SYTL1: variants seen among roughly 807,000 people sequenced by gnomAD.
SYTL1 encodes the protein synaptotagmin like 1.
SYTL1 carries 53 observed loss-of-function variants against 74.6 expected under a neutral mutation model. The ratio of observed to expected loss-of-function variants is 0.71; its 90% CI spans 0.57 to 0.89. SYTL1 has a LOEUF of 0.89. Among genes scored for constraint, SYTL1 ranks in the 40% least tolerant of loss-of-function variants. The probability of loss-of-function intolerance (pLI) is 0.00; values close to 1 mark genes in which losing one functional copy is unlikely to be tolerated. For synonymous variants in SYTL1, 329 were observed against 324.9 expected (o/e 1.01, Z -0.14); for missense variants, 728 against 768.7 (o/e 0.95, Z 0.63).
At position 27,348,156 on chromosome 1, in the gene SYTL1, G is replaced by A. The variant is rs996686594; in HGVS notation, c.459+144G>A. 8 of 793,336 alleles carry A rather than the reference G, an allele frequency of 1.0e-5. No individual in the cohort carries two copies. Among genetic ancestry groups the A allele is most frequent in the Admixed American group, 6.1e-5 (3 of 48,852 alleles). The allele number at this position is 793,336 out of a possible 1,614,324, so 49.1% of individuals were successfully genotyped here. On this transcript the variant is annotated intron_variant, in intron 5 of 14. Transcript: ENST00000616558. The surrounding 1 kb of genome is among the most constrained non-coding windows in gnomAD (Gnocchi z 4.1). ...TGTGTCTGCACCTCATCACCTCCTG[G>A]GTGGAACAGTGGTGAACGGTGGGGA...
At position 27,348,180 on chromosome 1, in the gene SYTL1, G is replaced by C. The variant is rs1181003594; in HGVS notation, c.459+168G>C. ...GGGTGGAACAGTGGTGAACGGTGGG[G>C]AACGGTGGTGAATGGTGGTAAACAG... On this transcript the variant is annotated intron_variant, in intron 5 of 14. Transcript: ENST00000616558. This position sits in a 1 kb window ranked among gnomAD's most constrained non-coding sequence, Gnocchi z 4.1. Among the ~76,000 whole-genome samples the C allele has an allele frequency of 6.6e-6, 1 of 152,168 alleles. No individual in the cohort carries two copies. The highest frequency in any genetic ancestry group is 1.9e-4 in the East Asian group (1 of 5,188).
At position 27,351,195 on chromosome 1, in the gene SYTL1, A is replaced by AC. The variant is rs1480892873; in HGVS notation, c.1165-59dup. On this transcript the variant is annotated intron_variant, in intron 11 of 14. Coordinates refer to ENST00000616558, the MANE Select transcript of SYTL1 (RefSeq NM_001193308.2). This position sits in a 1 kb window ranked among gnomAD's most constrained non-coding sequence, Gnocchi z 5.0. The stretch of plus-strand genomic sequence containing the variant: ...AGCCGCACCCCATCCGGGTCTGCAG[A>AC]CCCCACCCTCCTGAGGCCCCTTTCC... The AC allele has an allele frequency of 3.9e-6, 6 of 1,529,144 alleles. No individual in the cohort carries two copies. The highest frequency in any genetic ancestry group is 5.3e-6 in the Non-Finnish European group (6 of 1,132,474). The allele number at this position is 1,529,144 out of a possible 1,614,324, so 94.7% of individuals were successfully genotyped here.
In SYTL1 at chr1:27,350,363, C is replaced by T. The variant is rs376901899; in HGVS notation, c.909-26C>T. On this transcript the variant is annotated intron_variant, in intron 9 of 14. Transcript: ENST00000616558. This position sits in a 1 kb window ranked among gnomAD's most constrained non-coding sequence, Gnocchi z 6.3. Reference sequence around the variant, plus strand: ...GGAGAAGGCTCTGGGAGGGCCCCTCCTCACCTCGGGTTCTCACCTCCCCAG... The same window carrying T: ...GGAGAAGGCTCTGGGAGGGCCCCTCTTCACCTCGGGTTCTCACCTCCCCAG... The T allele has an allele frequency of 6.2e-7, 1 of 1,606,660 alleles. No individual in the cohort carries two copies. Among genetic ancestry groups the T allele is most frequent in the Admixed American group, 1.7e-5 (1 of 60,030 alleles).
Position 27,350,951 on chromosome 1 carries a change from G to A in SYTL1, c.1163G>A (p.Arg388Gln). 2.5e-6 allele frequency: 4 copies of A among 1,612,636 alleles called. No homozygotes were observed. Among genetic ancestry groups the A allele is most frequent in the Non-Finnish European group, 3.4e-6 (4 of 1,179,704 alleles). The change falls in exon 11 of 15, where the codon CGG becomes CAG. Residue 388 changes from arginine to glutamine, a missense_variant and splice_region_variant. Coordinates refer to ENST00000616558, the MANE Select transcript of SYTL1 (RefSeq NM_001193308.2). This position sits in a 1 kb window ranked among gnomAD's most constrained non-coding sequence, Gnocchi z 6.3. ...SEPTWLPLQP[R>Q]VPPSPDDLPS... is the part of the protein sequence containing the mutation. ...CCCACCTGGCTCCCCCTGCAGCCCC[G>A]GGTGAGGCAGCCAGGCCGCGTGGGG...
rs752443439 is a variant in SYTL1 at position 27,350,522 on chromosome 1, A to T, written c.1005+37A>T. 1 of 1,546,378 alleles carries T rather than the reference A, an allele frequency of 6.5e-7. No homozygotes were observed. The highest frequency in any genetic ancestry group is 1.1e-5 in the South Asian group (1 of 89,142). On this transcript the variant is annotated intron_variant, in intron 10 of 14. Coordinates refer to ENST00000616558, the MANE Select transcript of SYTL1 (RefSeq NM_001193308.2). This position sits in a 1 kb window ranked among gnomAD's most constrained non-coding sequence, Gnocchi z 6.3. ...ACCACGATGCGGTTCCCCGTTAATG[A>T]ACTGGACGCCCCCTTCCTGCGGGGC...
At position 27,349,678 on chromosome 1, in the gene SYTL1, G is replaced by C. The variant is rs1416518189; in HGVS notation, c.660G>C (p.Glu220Asp). 5 of 1,611,042 alleles carry C rather than the reference G, an allele frequency of 3.1e-6. No individual in the cohort carries two copies. The South Asian group carries it at 5.5e-5, about 18-fold the overall frequency. The part of the protein sequence containing the change: ...AQTKAASQIL[E>D]NGEEAPGPDP... The stretch of plus-strand genomic sequence containing the variant: ...CCAAGGCCGCGTCCCAGATCCTGGA[G>C]AATGGGGAGGAGGCCCCGGGGCCCG... The change falls in exon 8 of 15, where the codon GAG (glutamate) becomes GAC (aspartate). Residue 220 changes from glutamate to aspartate, a missense_variant. By Grantham distance (45) the Glu-to-Asp change is conservative. Transcript: ENST00000616558.
chr1:27,349,968 G>A lies in SYTL1; in HGVS notation c.748-4G>A. 1.3e-6 allele frequency: 2 copies of A among 1,572,238 alleles called. No homozygotes were observed. The highest frequency in any genetic ancestry group is 1.7e-6 in the Non-Finnish European group (2 of 1,168,108). Reference sequence around the variant, plus strand: ...CCCTGACTCCCACCCACTCCCGTCCGCAGCTGAGCGGCAGCCAGATGAGCC... The same window carrying A: ...CCCTGACTCCCACCCACTCCCGTCCACAGCTGAGCGGCAGCCAGATGAGCC... On this transcript the variant is annotated splice_region_variant and splice_polypyrimidine_tract_variant and intron_variant, in intron 8 of 14. Transcript: ENST00000616558.
In SYTL1 at chr1:27,349,991, G is replaced by A; in HGVS notation, c.767G>A (p.Ser256Asn). The A allele has an allele frequency of 6.4e-7, 1 of 1,570,794 alleles. No homozygotes were observed. Among genetic ancestry groups the A allele is most frequent in the South Asian group, 1.1e-5 (1 of 87,068 alleles). Residue 256 changes from serine (S) to asparagine (N), a missense_variant, in exon 9 of 15, where the codon AGC becomes AAC. Ser to Asn is a conservative substitution (Grantham distance 46). Coordinates refer to ENST00000616558, the MANE Select transcript of SYTL1 (RefSeq NM_001193308.2). ...NSSTLSGSQM[S>N]LSGDAEAVQV... ...CCGCAGCTGAGCGGCAGCCAGATGAGCCTGTCAGGCGACGCGGAGGCGGTG... is the reference window on the plus strand; with the variant it reads ...CCGCAGCTGAGCGGCAGCCAGATGAACCTGTCAGGCGACGCGGAGGCGGTG...
chr1:27,342,369 T>C lies in SYTL1; in HGVS notation c.-39+219T>C. 1.0e-6 allele frequency: 1 copy of C among 983,732 alleles called. No homozygotes were observed. The highest frequency in any genetic ancestry group is 1.2e-6 in the Non-Finnish European group (1 of 828,300). The allele number at this position is 983,732 out of a possible 1,614,324, so 60.9% of individuals were successfully genotyped here. A position where few individuals can be genotyped will look rare whatever the true frequency, so the allele number is the denominator to read the frequency against. On this transcript the variant is annotated intron_variant, in intron 1 of 14. Coordinates refer to ENST00000616558, the MANE Select transcript of SYTL1 (RefSeq NM_001193308.2). The surrounding 1 kb of genome is among the most constrained non-coding windows in gnomAD (Gnocchi z 4.7). ...AGACCAAACTCCTACCTAACTCTGG[T>C]AGGAGATTCTGCCTCTGGTTGGTAG... is the stretch of plus-strand genomic sequence containing the variant.
Position 27,342,639 on chromosome 1 carries a change from G to A in SYTL1, c.-39+489G>A, listed in dbSNP as rs866841320. On this transcript the variant is annotated intron_variant, in intron 1 of 14. Coordinates refer to ENST00000616558, the MANE Select transcript of SYTL1 (RefSeq NM_001193308.2). The surrounding 1 kb of genome is among the most constrained non-coding windows in gnomAD (Gnocchi z 4.7). Reference sequence around the variant, plus strand: ...AATGCATACTGTACACACCCCACACGGCGCTGTCACCTAGAAAGTCACTGA... The same window carrying A: ...AATGCATACTGTACACACCCCACACAGCGCTGTCACCTAGAAAGTCACTGA... Among the ~76,000 whole-genome samples the A allele has an allele frequency of 2.6e-5, 4 of 152,204 alleles. No individual in the cohort carries two copies. Among genetic ancestry groups the A allele is most frequent in the Admixed American group, 6.5e-5 (1 of 15,292 alleles).
Position 27,351,234 on chromosome 1 carries a change from C to G in SYTL1, c.1165-24C>G, listed in dbSNP as rs780892561. The G allele has an allele frequency of 1.3e-6, 2 of 1,549,970 alleles. No individual in the cohort carries two copies. The highest frequency in any genetic ancestry group is 2.4e-5 in the East Asian group (1 of 41,114). ...AGGCCCCTTTCCATTAGCCCCTGCTCCACGATAAGCCCGCCTCTCGCAGGT... is the reference window on the plus strand; with the variant it reads ...AGGCCCCTTTCCATTAGCCCCTGCTGCACGATAAGCCCGCCTCTCGCAGGT... On this transcript the variant is annotated intron_variant, in intron 11 of 14. Coordinates refer to ENST00000616558, the MANE Select transcript of SYTL1 (RefSeq NM_001193308.2). The surrounding 1 kb of genome is among the most constrained non-coding windows in gnomAD (Gnocchi z 5.0).
intron 13 of SYTL1, 37 bp from the exon 14 acceptor site, chr1:27,353,246 A>AG (rs1232916351): frequency 1.0e-5 from 16 of 1,552,068 alleles, no homozygotes; most frequent in South Asian, 2.4e-5. Flanking sequence ...AGGGAGTGTG[A>AG]GGGGGGTCAC....
rs915045310 is a variant in SYTL1 at position 27,342,357 on chromosome 1, A to G, written c.-39+207A>G. On this transcript the variant is annotated intron_variant, in intron 1 of 14. Coordinates refer to ENST00000616558, the MANE Select transcript of SYTL1 (RefSeq NM_001193308.2). The surrounding 1 kb of genome is among the most constrained non-coding windows in gnomAD (Gnocchi z 4.7). ...AAACAGCAGAGAAGACCAAACTCCT[A>G]CCTAACTCTGGTAGGAGATTCTGCC... 4 of 984,832 alleles carry G rather than the reference A, an allele frequency of 4.1e-6. No homozygotes were observed. The highest frequency in any genetic ancestry group is 4.8e-6 in the Non-Finnish European group (4 of 829,482). The allele number at this position is 984,832 out of a possible 1,614,324, so 61.0% of individuals were successfully genotyped here.
chr1:27,353,136 G>A (rs901167144), intron 13 of SYTL1, 147 bp from the exon 14 acceptor site: 26 of 777,380 alleles, frequency 3.3e-5, no homozygotes, highest in Non-Finnish European at 4.2e-5. Flanking sequence ...CTGGTGCAAA[G>A]GTCCCAGGGC....
In SYTL1 at chr1:27,350,872, A is replaced by T; in HGVS notation, c.1084A>T (p.Ile362Phe). ...VWHRESLGRN[I>F]FLGEVEVPLD... ...GCACCGCGAAAGCCTGGGTCGCAAC[A>T]TCTTTCTGGGCGAAGTTGAAGTGCC... Residue 362 changes from isoleucine (I) to phenylalanine (F), a missense_variant, in exon 11 of 15, where the codon ATC becomes TTC. Physicochemically the swap from Ile to Phe is conservative, Grantham distance 21 (BLOSUM62 0). Coordinates refer to ENST00000616558, the MANE Select transcript of SYTL1 (RefSeq NM_001193308.2). This position sits in a 1 kb window ranked among gnomAD's most constrained non-coding sequence, Gnocchi z 6.3. The T allele has an allele frequency of 6.2e-7, 1 of 1,613,734 alleles. No individual in the cohort carries two copies. The highest frequency in any genetic ancestry group is 8.5e-7 in the Non-Finnish European group (1 of 1,179,978).
rs755163987 is a variant in SYTL1 at position 27,350,125 on chromosome 1, T to G, written c.901T>G (p.Ser301Ala). ...CCTGGCCGCCGCCCGGCGCCGCCGC[T>G]CGGACCCGTGAGTGCCCCGCCGGCC... Reference protein sequence around the residue: ...QGLAAARRRRSDPYVKSYLLP... With the variant: ...QGLAAARRRRADPYVKSYLLP... The change falls in exon 9 of 15, where the codon TCG becomes GCG. Residue 301 changes from serine to alanine, a missense_variant. Ser to Ala is a moderately conservative substitution (Grantham distance 99). Coordinates refer to ENST00000616558, the MANE Select transcript of SYTL1 (RefSeq NM_001193308.2). This position sits in a 1 kb window ranked among gnomAD's most constrained non-coding sequence, Gnocchi z 6.3. 35 of 1,395,272 alleles carry G rather than the reference T, an allele frequency of 2.5e-5. No individual in the cohort carries two copies. In the African/African-American group the frequency reaches 4.6e-4, roughly 18 times the overall value. The allele number at this position is 1,395,272 out of a possible 1,614,324, so 86.4% of individuals were successfully genotyped here. A position where few individuals can be genotyped will look rare whatever the true frequency, so the allele number is the denominator to read the frequency against.
rs2015251320 is a variant in SYTL1, at chr1:27,351,103, C to T, written c.1164+151C>T. The T allele has an allele frequency of 7.6e-7, 1 of 1,318,958 alleles. No homozygotes were observed. The highest frequency in any genetic ancestry group is 1.0e-6 in the Non-Finnish European group (1 of 970,844). 81.7% of individuals were successfully genotyped at this position (1,318,958 alleles called of 1,614,324 possible). A position where few individuals can be genotyped will look rare whatever the true frequency, so the allele number is the denominator to read the frequency against. The stretch of plus-strand genomic sequence containing the variant: ...TGGCCCCAGGCGAAGCCCGGCCGGC[C>T]ACGGCCCCTTCCCCGAGGGCGCTAG... On this transcript the variant is annotated intron_variant, in intron 11 of 14. Coordinates refer to ENST00000616558, the MANE Select transcript of SYTL1 (RefSeq NM_001193308.2). The surrounding 1 kb of genome is among the most constrained non-coding windows in gnomAD (Gnocchi z 5.0).
In SYTL1 at chr1:27,353,327, G is replaced by A. The variant is rs1320392735; in HGVS notation, c.1388G>A (p.Arg463Lys). Residue 463 changes from arginine to lysine, a missense_variant, in exon 14 of 15, where the codon AGG becomes AAG. Physicochemically the swap from Arg to Lys is conservative, Grantham distance 26 (BLOSUM62 2). Transcript: ENST00000616558. ...DDSQASRQRTRVVRRSLSPVF... is the reference protein window; with the variant it reads ...DDSQASRQRTKVVRRSLSPVF... ...AGCCAGGCCAGCCGCCAGCGTACAA[G>A]GGTTGTGCGACGCAGCCTCAGCCCT... 1 of 1,608,146 alleles carries A rather than the reference G, an allele frequency of 6.2e-7. No homozygotes were observed. The highest frequency in any genetic ancestry group is 8.5e-7 in the Non-Finnish European group (1 of 1,177,672).
At position 27,351,009 on chromosome 1, in the gene SYTL1, C is replaced by T. The variant is rs1204107211; in HGVS notation, c.1164+57C>T. On this transcript the variant is annotated intron_variant, in intron 11 of 14. Transcript: ENST00000616558. The surrounding 1 kb of genome is among the most constrained non-coding windows in gnomAD (Gnocchi z 5.0). The stretch of plus-strand genomic sequence containing the variant: ...CGGCCCGGGTCTCCTGCATTTACCC[C>T]ACCAGGCTCTCCCGCAGCCCCCTCA... 1.5e-5 allele frequency: 24 copies of T among 1,591,632 alleles called. No individual in the cohort carries two copies. The Admixed American group carries it at 3.7e-4, about 25-fold the overall frequency.
Sources: gnomAD v4.1 joint callset for allele counts (sites outside exome capture counted in the v4.1 genomes callset) on GRCh38, gnomAD v4.1.1 for gene constraint, Gnocchi (gnomAD v3.1) non-coding constraint, MANE v1.5 for transcripts, NCBI Gene and HGNC (gene_info 2026-07-23, HGNC 2026-07-21) for gene names.